MMP26: variants seen among roughly 807,000 people sequenced by gnomAD.
MMP26 encodes matrix metallopeptidase 26.
MMP26 carries 33 observed loss-of-function variants against 31.0 expected under a neutral mutation model. The ratio of observed to expected loss-of-function variants is 1.06; its 90% CI spans 0.81 to 1.42. The LOEUF (loss-of-function observed/expected upper bound fraction) is 1.42. Among genes scored for constraint, MMP26 ranks in the 40% most tolerant of loss-of-function variants. The pLI, the probability that MMP26 is intolerant of heterozygous loss-of-function variation, is 0.00. For synonymous variants in MMP26, 122 were observed against 114.9 expected, an observed-to-expected ratio of 1.06 and a Z score of -0.40; for missense variants, 347 against 316.1, an observed-to-expected ratio of 1.10 and a Z score of -0.74.
chr11:4,737,404 G>T (rs1036650672), intron 1 of MMP26, among the ~76,000 whole-genome samples: 4 of 152,168 alleles, frequency 2.6e-5, no homozygotes, highest in Non-Finnish European at 5.9e-5. Flanking sequence ...AGCACTTTGG[G>T]AGGCCGAGGT....
intron 2 of MMP26, among the ~76,000 whole-genome samples, chr11:4,834,182 T>G (rs1849685398): frequency 6.6e-6 from 1 of 152,120 alleles, no homozygotes; most frequent in Non-Finnish European, 1.5e-5. Context: ...AAGTTAACAT[T>G]GCAGATACAT....
intron 2 of MMP26, among the ~76,000 whole-genome samples, chr11:4,887,185 C>T (rs906836010): frequency 3.3e-5 from 5 of 151,920 alleles, no homozygotes; most frequent in African/African-American, 1.2e-4. Context: ...AATTTTACAG[C>T]TGTTTAATAA....
intron 2 of MMP26, chr11:4,938,021 G>C (rs1437943040): frequency 6.6e-6 from 1 of 152,142 alleles, no homozygotes; most frequent in Non-Finnish European, 1.5e-5. Flanking sequence ...TGAATTTCAT[G>C]GACATCAAAT....
chr11:4,977,716 G>A (rs529614379), intron 2 of MMP26, among the ~76,000 whole-genome samples: 11 of 152,142 alleles, frequency 7.2e-5, no homozygotes, highest in Non-Finnish European at 1.3e-4. Flanking sequence ...GAAGCGACAG[G>A]TGAACTGTTA....
At chr11:4,957,152 G>A (rs10082629) in intron 2 of MMP26, among the ~76,000 whole-genome samples, 33,436 of 152,040 alleles carry the variant, frequency 0.22, 3,847 homozygotes, top group South Asian at 0.41. Context: ...GTTATGAACT[G>A]AATGTAGCTC....
chr11:4,975,934 C>A (rs940314629), intron 2 of MMP26, among the ~76,000 whole-genome samples: 2 of 152,022 alleles, frequency 1.3e-5, no homozygotes, highest in African/African-American at 4.8e-5. Flanking sequence ...ATATTCAACC[C>A]AGCTAATAAC....
intron 1 of MMP26, chr11:4,723,424 A>G: frequency 9.9e-7 from 1 of 1,014,558 alleles, no homozygotes; most frequent in East Asian, 2.4e-5. Context: ...GTCCATGTCC[A>G]GGGAGCGGCT....
At chr11:4,707,118 A>T (rs1420088128) in intron 1 of MMP26, among the ~76,000 whole-genome samples, 1 of 152,176 alleles carries the variant, frequency 6.6e-6, no homozygotes, top group East Asian at 1.9e-4. Flanking sequence ...TGTTTTTCAC[A>T]GTGGTTGCAT....
intron 2 of MMP26, among the ~76,000 whole-genome samples, chr11:4,970,973 G>A (rs1431069128): frequency 2.0e-5 from 3 of 152,170 alleles, no homozygotes; most frequent in African/African-American, 7.2e-5. Flanking sequence ...CACACAGTCG[G>A]CAAATATTCA....
At chr11:4,966,891 G>A (rs1049795672) in intron 2 of MMP26, among the ~76,000 whole-genome samples, 3 of 152,210 alleles carry the variant, frequency 2.0e-5, no homozygotes, top group Non-Finnish European at 1.5e-5. Context: ...AGGGCAGCTA[G>A]TAGGGATTTC....
At chr11:4,748,089 G>A (rs527911405) in intron 1 of MMP26, among the ~76,000 whole-genome samples, 6 of 151,800 alleles carry the variant, frequency 4.0e-5, no homozygotes, top group African/African-American at 9.7e-5. Flanking sequence ...ATTCAAATAA[G>A]TACACTCAGA....
At chr11:4,856,268 C>T (rs991185171) in intron 2 of MMP26, among the ~76,000 whole-genome samples, 3 of 152,168 alleles carry the variant, frequency 2.0e-5, no homozygotes, top group Admixed American at 6.5e-5. Flanking sequence ...TTAAAAGACA[C>T]AGACTGGCAA....
chr11:4,834,772 G>GA (rs888697947), intron 2 of MMP26, among the ~76,000 whole-genome samples: 124 of 151,980 alleles, frequency 8.2e-4, no homozygotes, highest in African/African-American at 2.8e-3. Flanking sequence ...TTTAAATTAA[G>GA]AACATAATTA....
At chr11:4,846,025 C>A (rs568004697) in intron 2 of MMP26, among the ~76,000 whole-genome samples, 1 of 152,206 alleles carries the variant, frequency 6.6e-6, no homozygotes, top group South Asian at 2.1e-4. Flanking sequence ...TTAGAGCTTC[C>A]CTATGATCCA....
chr11:4,869,270 C>G (rs369947281), intron 2 of MMP26, among the ~76,000 whole-genome samples: 78 of 152,168 alleles, frequency 5.1e-4, no homozygotes, highest in African/African-American at 1.6e-3. Context: ...TACCATCAGA[C>G]TGAACAGGCA....
intron 2 of MMP26, chr11:4,881,991 T>G (rs770419366): frequency 4.3e-6 from 7 of 1,613,814 alleles, no homozygotes; most frequent in Non-Finnish European, 5.9e-6. Flanking sequence ...TGGATCTCCA[T>G]TCCAGTCTGC....
intron 1 of MMP26, among the ~76,000 whole-genome samples, chr11:4,727,643 C>T (rs1564895891): frequency 6.6e-6 from 1 of 152,084 alleles, no homozygotes; most frequent in Non-Finnish European, 1.5e-5. Context: ...AAATCCGTCT[C>T]TAATAAAAAT....
chr11:4,976,569 TA>T (rs1276977992), intron 2 of MMP26, among the ~76,000 whole-genome samples: 1 of 152,016 alleles, frequency 6.6e-6, no homozygotes, highest in Non-Finnish European at 1.5e-5. Context: ...AAATCCCGGC[TA>T]TTAGGCCCAT....
chr11:4,989,371 T>C lies in MMP26; in HGVS notation c.100-277T>C, dbSNP rs565578470. Among the ~76,000 whole-genome samples, 18 of 152,332 alleles carry C rather than the reference T, an allele frequency of 1.2e-4. No homozygotes were observed. In the East Asian group the frequency reaches 3.5e-3, roughly 29 times the overall value. On this transcript the variant is annotated intron_variant, in intron 3 of 7. Coordinates refer to ENST00000380390, the MANE Select transcript of MMP26 (RefSeq NM_021801.5). ...GTAATATCTTCCTGTCGTTTATACT[T>C]GGGTTTCTCCATCCTAAAACTTGGA...
Sources: allele counts gnomAD v4.1 joint callset (sites outside exome capture counted in the v4.1 genomes callset), GRCh38; gene constraint gnomAD v4.1.1; transcripts MANE v1.5; gene names NCBI Gene and HGNC (gene_info 2026-07-23, HGNC 2026-07-21).